Variants in ARNT2 observed in about 807,000 individuals in gnomAD.
ARNT2 encodes the protein aryl hydrocarbon receptor nuclear translocator 2.
A neutral mutation model predicts 91.7 loss-of-function variants in ARNT2; 36 were observed. The observed-to-expected ratio is 0.39, with a 90% confidence interval of 0.30 to 0.52. ARNT2 has a LOEUF of 0.52. Among genes scored for constraint, ARNT2 ranks in the 20% least tolerant of loss-of-function variants. The pLI, the probability that ARNT2 is intolerant of heterozygous loss-of-function variation, is 0.72. For synonymous variants in ARNT2, 365 were observed against 347.1 expected, an observed-to-expected ratio of 1.05 and a Z score of -0.57; for missense variants, 775 against 939.3, an observed-to-expected ratio of 0.83 and a Z score of 2.29.
chr15:80,444,415 G>C (rs1436354006), intron 1 of ARNT2: 1 of 151,460 alleles, frequency 6.6e-6, no homozygotes, highest in South Asian at 2.1e-4. Context: ...ATGTGTATGA[G>C]TAGTGTGATG....
At chr15:80,442,859 G>T (rs1402480019) in intron 1 of ARNT2, 2 of 985,306 alleles carry the variant, frequency 2.0e-6, no homozygotes, top group Non-Finnish European at 2.4e-6. Context: ...AGGTGACCAA[G>T]GTTTTTTAGA....
chr15:80,547,753 A>G (rs1198124269), intron 8 of ARNT2, among the ~76,000 whole-genome samples: 2 of 152,158 alleles, frequency 1.3e-5, no homozygotes, highest in Non-Finnish European at 2.9e-5. Flanking sequence ...CAGTATCTAG[A>G]GATGTTTCTG....
At chr15:80,550,324 C>T (rs1242425831) in intron 8 of ARNT2, among the ~76,000 whole-genome samples, 1 of 152,188 alleles carries the variant, frequency 6.6e-6, no homozygotes, top group African/African-American at 2.4e-5. Flanking sequence ...TTAACGTGCT[C>T]TTATCAATGT....
intron 11 of ARNT2, among the ~76,000 whole-genome samples, chr15:80,558,120 C>T (rs1567000729): frequency 1.3e-5 from 2 of 152,156 alleles, no homozygotes; most frequent in Non-Finnish European, 1.5e-5. Context: ...CTTCACATTA[C>T]TGACATCTTA....
intron 5 of ARNT2, among the ~76,000 whole-genome samples, chr15:80,500,012 A>G (rs1446329450): frequency 6.6e-6 from 1 of 152,180 alleles, no homozygotes; most frequent in Non-Finnish European, 1.5e-5. Flanking sequence ...TTGTGCCCTC[A>G]GCCACTTATA....
intron 3 of ARNT2, among the ~76,000 whole-genome samples, chr15:80,460,789 C>T (rs1490144349): frequency 2.0e-5 from 3 of 152,074 alleles, no homozygotes; most frequent in Non-Finnish European, 1.5e-5. Flanking sequence ...GGGAGGGGTA[C>T]TTTTTAAGGA....
In ARNT2 at chr15:80,595,299, T is replaced by A. The variant is rs1893357933; in HGVS notation, c.*1601T>A. ...AGGGACCTACCCTCTGGGAAAGCCC[T>A]TGTGTCCCTCCCAGAGTCCTTCAGG... On this transcript the variant is annotated 3_prime_UTR_variant, in exon 19 of 19. Transcript: ENST00000303329. 6.6e-6 allele frequency: 1 copy of A among 152,232 alleles called. No individual in the cohort carries two copies. Among genetic ancestry groups the A allele is most frequent in the African/African-American group, 2.4e-5 (1 of 41,452 alleles). 9.4% of individuals were successfully genotyped at this position (152,232 alleles called of 1,614,324 possible).
At chr15:80,465,905 A>C (rs1896645344) in intron 3 of ARNT2, among the ~76,000 whole-genome samples, 1 of 152,186 alleles carries the variant, frequency 6.6e-6, no homozygotes, top group African/African-American at 2.4e-5. Context: ...AGGAAACCAC[A>C]CAGGGATTGT....
chr15:80,573,749 A>AATC (rs1204611487), intron 12 of ARNT2, among the ~76,000 whole-genome samples: 1 of 152,230 alleles, frequency 6.6e-6, no homozygotes, highest in African/African-American at 2.4e-5. Context: ...AACCACTGTG[A>AATC]AAGCATAGTG....
chr15:80,463,819 C>T (rs1266755174), intron 3 of ARNT2, among the ~76,000 whole-genome samples: 1 of 152,130 alleles, frequency 6.6e-6, no homozygotes, highest in Non-Finnish European at 1.5e-5. Context: ...ATCCGCCTGC[C>T]TTGGCCTCCC....
chr15:80,483,043 T>C (rs531845308), intron 5 of ARNT2, among the ~76,000 whole-genome samples: 12 of 152,218 alleles, frequency 7.9e-5, no homozygotes, highest in Non-Finnish European at 1.3e-4. Context: ...GTGAAATGTC[T>C]TATTATAGAA....
Position 80,551,204 on chromosome 15 carries a change from A to C in ARNT2, c.883A>C (p.Thr295Pro). The change falls in exon 9 of 19, where the codon ACC becomes CCC. Residue 295 changes from threonine to proline, a missense_variant. Physicochemically the swap from Thr to Pro is conservative, Grantham distance 38 (BLOSUM62 -1). Coordinates refer to ENST00000303329, the MANE Select transcript of ARNT2 (RefSeq NM_014862.4). ...YIKAWPPAGM[T>P]IPEEDADVGQ... ...ACAGGTATTTCCCATTTCAGGAATG[A>C]CCATACCTGAAGAAGACGCTGATGT... 6.2e-7 allele frequency: 1 copy of C among 1,613,660 alleles called. No homozygotes were observed. Among genetic ancestry groups the C allele is most frequent in the Non-Finnish European group, 8.5e-7 (1 of 1,179,564 alleles).
At chr15:80,462,629 G>C (rs920713798) in intron 3 of ARNT2, among the ~76,000 whole-genome samples, 1 of 152,192 alleles carries the variant, frequency 6.6e-6, no homozygotes, top group Non-Finnish European at 1.5e-5. Flanking sequence ...AGTGCTTGGA[G>C]CCTCCTAAGA....
chr15:80,534,784 A>G (rs1167011714), intron 8 of ARNT2, among the ~76,000 whole-genome samples: 3 of 152,226 alleles, frequency 2.0e-5, no homozygotes, highest in African/African-American at 4.8e-5. Context: ...ATCATTATCC[A>G]TGAATACTGG....
At position 80,541,178 on chromosome 15, in the gene ARNT2, C is replaced by A. The variant is rs1213940476; in HGVS notation, c.878-10021C>A. Among the ~76,000 whole-genome samples the A allele has an allele frequency of 3.3e-5, 5 of 152,266 alleles. No individual in the cohort carries two copies. The East Asian group carries it at 9.6e-4, about 29-fold the overall frequency. Reference sequence around the variant, plus strand: ...TGTTTTTTGACTTTTTAATAATACCCATTCTGACTGGTGTGAGATGGTATC... The same window carrying A: ...TGTTTTTTGACTTTTTAATAATACCAATTCTGACTGGTGTGAGATGGTATC... On this transcript the variant is annotated intron_variant, in intron 8 of 18. Transcript: ENST00000303329.
In ARNT2 at chr15:80,548,438, C is replaced by A. The variant is rs149318079; in HGVS notation, c.878-2761C>A. 2.0e-3 allele frequency among the ~76,000 whole-genome samples: 307 copies of A among 152,118 alleles called. 6 individuals carry two copies. In the East Asian group the frequency reaches 0.032, roughly 16 times the overall value. On this transcript the variant is annotated intron_variant, in intron 8 of 18. Coordinates refer to ENST00000303329, the MANE Select transcript of ARNT2 (RefSeq NM_014862.4). ...ATTATAATAGACATATTATCCCATA[C>A]AACTAAACAAGAGAAATTAGAGGCA...
At position 80,539,690 on chromosome 15, in the gene ARNT2, C is replaced by T. The variant is rs143954636; in HGVS notation, c.878-11509C>T. The stretch of plus-strand genomic sequence containing the variant: ...TGTCATGATTATCTACATGAAAAAC[C>T]TAATCCAGTCACTGGAAAATCTATT... On this transcript the variant is annotated intron_variant, in intron 8 of 18. Transcript: ENST00000303329. 6.0e-3 allele frequency among the ~76,000 whole-genome samples: 910 copies of T among 152,066 alleles called. 17 individuals carry two copies. Among genetic ancestry groups the T allele is most frequent in the African/African-American group, 0.021 (886 of 41,488 alleles).
intron 4 of ARNT2, 76 bp from the exon 5 acceptor site, chr15:80,474,934 C>A: frequency 7.0e-7 from 1 of 1,432,946 alleles, no homozygotes; most frequent in Non-Finnish European, 9.7e-7. Flanking sequence ...AAATTGAAGG[C>A]TGCTTTCCCA....
At chr15:80,549,794 C>T (rs1898051195) in intron 8 of ARNT2, among the ~76,000 whole-genome samples, 1 of 152,158 alleles carries the variant, frequency 6.6e-6, no homozygotes, top group African/African-American at 2.4e-5. Context: ...GAAAGTTTGG[C>T]AAAACAAAAC....
Sources: allele counts gnomAD v4.1 joint callset (sites outside exome capture counted in the v4.1 genomes callset), GRCh38; gene constraint gnomAD v4.1.1; transcripts MANE v1.5; gene names NCBI Gene and HGNC (gene_info 2026-07-23, HGNC 2026-07-21).